The following CPXM2 variants were observed in gnomAD, a reference collection of about 807,000 sequenced individuals.
CPXM2 encodes inactive carboxypeptidase-like protein X2.
Under a neutral mutation model 86.1 loss-of-function variants are expected in CPXM2, and 66 were observed. The observed-to-expected ratio is 0.77, with a 90% confidence interval of 0.63 to 0.94. The LOEUF is 0.94. Among genes scored for constraint, CPXM2 ranks in the 40% least tolerant of loss-of-function variants. The pLI, the probability that CPXM2 is intolerant of heterozygous loss-of-function variation, is 0.00. For synonymous variants in CPXM2, 388 were observed against 400.2 expected, an observed-to-expected ratio of 0.97 and a Z score of 0.36; for missense variants, 948 against 1,026.3, an observed-to-expected ratio of 0.92 and a Z score of 1.04.
At chr10:123,780,935 T>C (rs1385354225) in intron 6 of CPXM2, among the ~76,000 whole-genome samples, 1 of 152,084 alleles carries the variant, frequency 6.6e-6, no homozygotes, top group Non-Finnish European at 1.5e-5. Context: ...TGAGTAACAA[T>C]CTCTCCCCAG....
At chr10:123,881,151 G>A (rs770452389) in intron 1 of CPXM2, among the ~76,000 whole-genome samples, 19 of 151,124 alleles carry the variant, frequency 1.3e-4, no homozygotes, top group Non-Finnish European at 2.2e-4. Context: ...CAGCAACACT[G>A]GCCTCCGTTT....
chr10:123,838,253 G>C (rs1200659032), intron 4 of CPXM2, among the ~76,000 whole-genome samples: 1 of 152,170 alleles, frequency 6.6e-6, no homozygotes, highest in Non-Finnish European at 1.5e-5. Context: ...CCTGAGGTTA[G>C]GAGTTCAAGA....
intron 4 of CPXM2, among the ~76,000 whole-genome samples, chr10:123,839,124 T>C (rs1403413635): frequency 6.6e-6 from 1 of 152,228 alleles, no homozygotes; most frequent in Admixed American, 6.5e-5. Flanking sequence ...TCTGCACTTA[T>C]TATGTGCTGG....
At chr10:123,904,551 A>G (rs1018811954) in intron 2 of CPXM2, among the ~76,000 whole-genome samples, 10 of 152,170 alleles carry the variant, frequency 6.6e-5, no homozygotes, top group Admixed American at 3.3e-4. Context: ...TATTATTCCC[A>G]TCATCACTGT....
Position 123,805,552 on chromosome 10 carries a change from C to CATAA in CPXM2, c.654-6354_654-6353insTTAT, listed in dbSNP as rs1259496199. Among the ~76,000 whole-genome samples, 3 of 152,094 alleles carry CATAA rather than the reference C, an allele frequency of 2.0e-5. No homozygotes were observed. The East Asian group carries it at 5.8e-4, about 29-fold the overall frequency. On this transcript the variant is annotated intron_variant, in intron 4 of 13. Transcript: ENST00000241305. ...ATTCCTAGTTTAATTCCGTTGTGGA[C>CATAA]AGAGAACATACTTTAAATCATGTCA...
chr10:123,879,417 C>T (rs1050828309), intron 2 of CPXM2, among the ~76,000 whole-genome samples: 1 of 152,044 alleles, frequency 6.6e-6, no homozygotes, highest in Non-Finnish European at 1.5e-5. Context: ...GCTGCATAAC[C>T]CTTGGTAAAC....
At chr10:123,802,131 G>T (rs1395161476) in intron 4 of CPXM2, among the ~76,000 whole-genome samples, 1 of 152,178 alleles carries the variant, frequency 6.6e-6, no homozygotes, top group African/African-American at 2.4e-5. Context: ...AGAGGCCAGG[G>T]CATGGTAGGC....
intron 3 of CPXM2, among the ~76,000 whole-genome samples, chr10:123,854,167 C>T (rs1460691140): frequency 6.6e-6 from 1 of 150,510 alleles, no homozygotes; most frequent in African/African-American, 2.5e-5. Context: ...GCAGCTCTGA[C>T]TGCTGAACGC....
rs1554880435 is a variant in CPXM2 at position 123,808,389 on chromosome 10, C to CAAA, written c.654-9191_654-9190insTTT. On this transcript the variant is annotated intron_variant, in intron 4 of 13. Coordinates refer to ENST00000241305, the MANE Select transcript of CPXM2 (RefSeq NM_198148.3). ...ACAACAACAACAACAACAACAACAA[C>CAAA]AACCAGCTGTTAGCTGAAAAAAAGA... Among the ~76,000 whole-genome samples, 1,416 of 150,978 alleles carry CAAA rather than the reference C, an allele frequency of 9.4e-3. 26 individuals are homozygous for CAAA. The highest frequency in any genetic ancestry group is 0.032 in the African/African-American group (1,313 of 40,416).
intron 7 of CPXM2, among the ~76,000 whole-genome samples, chr10:123,777,904 G>A (rs1258638458): frequency 6.6e-6 from 1 of 152,234 alleles, no homozygotes; most frequent in Non-Finnish European, 1.5e-5. Context: ...CCAAGTGAGG[G>A]AGACAGGCAA....
chr10:123,889,520 A>T (rs763397047), intron 1 of CPXM2, among the ~76,000 whole-genome samples: 4 of 152,088 alleles, frequency 2.6e-5, no homozygotes, highest in Non-Finnish European at 5.9e-5. Context: ...CATTCCTAGG[A>T]TCTCACCCAG....
At chr10:123,772,182 C>CCACCTCCCTGGTTGTGGTTAT (rs754865089) in intron 7 of CPXM2, among the ~76,000 whole-genome samples, 4 of 142,868 alleles carry the variant, frequency 2.8e-5, no homozygotes, top group African/African-American at 7.8e-5. Flanking sequence ...GTTGTGGTTA[C>CCACCTCCCTGGTTGTGGTTAT]CACCTCCCTG....
intron 6 of CPXM2, among the ~76,000 whole-genome samples, chr10:123,797,774 A>T (rs1847365357): frequency 6.6e-6 from 1 of 151,942 alleles, no homozygotes; most frequent in African/African-American, 2.4e-5. Context: ...TGTGGAGACA[A>T]TGTCTCCCTT....
chr10:123,890,890 G>A (rs927725993), intron 1 of CPXM2, among the ~76,000 whole-genome samples: 3 of 152,144 alleles, frequency 2.0e-5, no homozygotes, highest in African/African-American at 7.2e-5. Context: ...AGCTGAGAAG[G>A]GACACGACTG....
chr10:123,870,562 A>G (rs1190979760), intron 2 of CPXM2, among the ~76,000 whole-genome samples: 1 of 152,182 alleles, frequency 6.6e-6, no homozygotes, highest in Admixed American at 6.5e-5. Context: ...TTCCCAGCAC[A>G]CTGAAAATCT....
intron 2 of CPXM2, among the ~76,000 whole-genome samples, chr10:123,911,410 C>G (rs775374507): frequency 3.7e-4 from 57 of 152,044 alleles, no homozygotes; most frequent in Non-Finnish European, 7.2e-4. Context: ...GGCTCCTATC[C>G]CAGCCTTAGG....
In CPXM2 at chr10:123,754,847, C is replaced by A; in HGVS notation, c.1918-85G>T. 1 of 774,844 alleles carries A rather than the reference C, an allele frequency of 1.3e-6. No individual in the cohort carries two copies. The highest frequency in any genetic ancestry group is 1.9e-5 in the Admixed American group (1 of 53,790). The allele number at this position is 774,844 out of a possible 1,614,324, so 48.0% of individuals were successfully genotyped here. A position where few individuals can be genotyped will look rare whatever the true frequency, so the allele number is the denominator to read the frequency against. On this transcript the variant is annotated intron_variant, in intron 12 of 13. Coordinates refer to ENST00000241305, the MANE Select transcript of CPXM2 (RefSeq NM_198148.3). The surrounding 1 kb of genome is among the most constrained non-coding windows in gnomAD (Gnocchi z 4.0). ...ACAACAGAGTGGGCTGTCAACCCAC[C>A]ATTGGCCGGTTCCCACCAAGAACTC...
intron 4 of CPXM2, among the ~76,000 whole-genome samples, chr10:123,828,770 A>G (rs1243102379): frequency 6.6e-6 from 1 of 152,254 alleles, no homozygotes; most frequent in Non-Finnish European, 1.5e-5. Flanking sequence ...TAAAACTTGT[A>G]GAAGATAAAA....
At position 123,920,449 on chromosome 10, in the gene CPXM2, T is replaced by G. The variant is rs1336726702; in HGVS notation, n.174+19028A>C. 2.6e-5 allele frequency among the ~76,000 whole-genome samples: 4 copies of G among 152,150 alleles called. No individual in the cohort carries two copies. In the East Asian group the frequency reaches 7.7e-4, roughly 29 times the overall value. On this transcript the variant is annotated intron_variant and non_coding_transcript_variant, in intron 2 of 19. Coordinates refer to the CPXM2 transcript ENST00000368854. Reference sequence around the variant, plus strand: ...TTATTACTTTGAAAAATTCCTATGATCTAATGTTTAAAAAATCATGATACA... The same window carrying G: ...TTATTACTTTGAAAAATTCCTATGAGCTAATGTTTAAAAAATCATGATACA...
Sources: gnomAD v4.1 joint callset for allele counts (sites outside exome capture counted in the v4.1 genomes callset) on GRCh38, gnomAD v4.1.1 for gene constraint, Gnocchi (gnomAD v3.1) non-coding constraint, MANE v1.5 for transcripts, NCBI Gene and HGNC (gene_info 2026-07-23, HGNC 2026-07-21) for gene names.